The following NINJ2 variants were observed in gnomAD, a reference collection of about 807,000 sequenced individuals.
NINJ2 encodes ninjurin-2.
A neutral mutation model predicts 11.7 loss-of-function variants in NINJ2; 12 were observed. The ratio of observed to expected loss-of-function variants is 1.02; its 90% CI spans 0.66 to 1.66. The LOEUF (loss-of-function observed/expected upper bound fraction) is 1.66, where lower values mean the gene tolerates loss of function less well. Ranked by LOEUF, NINJ2 falls within the 40% of genes most tolerant of loss-of-function variation. The probability of loss-of-function intolerance (pLI) is 0.00; values close to 1 mark genes in which losing one functional copy is unlikely to be tolerated. For missense variants in NINJ2, 187 were observed against 181.8 expected, an observed-to-expected ratio of 1.03 and a Z score of -0.16; for synonymous variants, 93 against 76.8, an observed-to-expected ratio of 1.21 and a Z score of -1.10.
Position 575,311 on chromosome 12 carries a change from C to T in NINJ2, c.34-9133G>A, listed in dbSNP as rs78291331. Among the ~76,000 whole-genome samples, 750 of 152,332 alleles carry T rather than the reference C, an allele frequency of 4.9e-3. 4 individuals carry two copies. Among genetic ancestry groups the T allele is most frequent in the African/African-American group, 0.017 (716 of 41,560 alleles). ...TCTCTAGCCTGGTCCCCAGCTCCTC[C>T]TCCCACCCCTGAAGAGCGAACCCTG... On this transcript the variant is annotated intron_variant, in intron 1 of 3. Transcript: ENST00000305108.
chr12:643,305 C>T (rs1353811961), intron 1 of NINJ2: 6 of 389,520 alleles, frequency 1.5e-5, no homozygotes, highest in Non-Finnish European at 2.1e-5. Flanking sequence ...GACTCTGCAC[C>T]GTCGCGGCCT....
intron 1 of NINJ2, among the ~76,000 whole-genome samples, chr12:579,935 TAAA>T (rs1223133155): frequency 6.6e-6 from 1 of 152,158 alleles, no homozygotes; most frequent in Non-Finnish European, 1.5e-5. Context: ...CCTAATCCCC[TAAA>T]ATGACAAAGC....
At chr12:609,770 C>CGAAAAAAAAAAAAAA (rs1948002191) in intron 1 of NINJ2, among the ~76,000 whole-genome samples, 1 of 88,822 alleles carries the variant, frequency 1.1e-5, no homozygotes, top group Non-Finnish European at 2.1e-5. Context: ...GACTCTGCCT[C>CGAAAAAAAAAAAAAA]AAAAAAAAAA....
chr12:575,391 C>G (rs1947441387), intron 1 of NINJ2, among the ~76,000 whole-genome samples: 1 of 152,220 alleles, frequency 6.6e-6, no homozygotes, highest in Admixed American at 6.5e-5. Context: ...CCAGATTACT[C>G]ACTGTTCCCT....
intron 1 of NINJ2, among the ~76,000 whole-genome samples, chr12:635,374 T>C (rs1015423591): frequency 3.3e-5 from 5 of 152,070 alleles, no homozygotes; most frequent in South Asian, 2.1e-4. Context: ...TTAAATGCAA[T>C]AGAGCAGACA....
At chr12:618,818 G>A (rs1351403198) in intron 1 of NINJ2, among the ~76,000 whole-genome samples, 1 of 152,210 alleles carries the variant, frequency 6.6e-6, no homozygotes, top group Non-Finnish European at 1.5e-5. Flanking sequence ...TGGCAAGAGT[G>A]GAGAAGAGCA....
intron 1 of NINJ2, among the ~76,000 whole-genome samples, chr12:609,754 G>C (rs1426396650): frequency 7.9e-6 from 1 of 126,496 alleles, no homozygotes; most frequent in Non-Finnish European, 1.7e-5. Flanking sequence ...CTGGGCAACA[G>C]AGTGAGACTC....
At chr12:595,992 A>T (rs1215777505) in intron 1 of NINJ2, among the ~76,000 whole-genome samples, 1 of 152,210 alleles carries the variant, frequency 6.6e-6, no homozygotes, top group Non-Finnish European at 1.5e-5. Flanking sequence ...GAATGGCCAA[A>T]ATCCAGAACA....
At chr12:576,298 C>A (rs1356275713) in intron 1 of NINJ2, among the ~76,000 whole-genome samples, 1 of 152,128 alleles carries the variant, frequency 6.6e-6, no homozygotes, top group Non-Finnish European at 1.5e-5. Context: ...CAGGAAACGG[C>A]GCGGCGAGGC....
intron 1 of NINJ2, among the ~76,000 whole-genome samples, chr12:589,940 C>T (rs1009528082): frequency 1.7e-4 from 26 of 152,190 alleles, no homozygotes; most frequent in African/African-American, 4.6e-4. Context: ...CTGTCAGGAC[C>T]CAAGGGGTCC....
chr12:639,667 A>G (rs928505891), intron 1 of NINJ2, among the ~76,000 whole-genome samples: 1 of 152,190 alleles, frequency 6.6e-6, no homozygotes, highest in African/African-American at 2.4e-5. Context: ...GTGGGCTGCT[A>G]CTGAGAGAAC....
chr12:653,264 C>T (rs1937822638), intron 1 of NINJ2, among the ~76,000 whole-genome samples: 1 of 151,828 alleles, frequency 6.6e-6, no homozygotes, highest in Admixed American at 6.6e-5. Flanking sequence ...CGTGATCTGC[C>T]CGCCTCTGCC....
At chr12:609,789 A>AAAAAAAAAAAGAG (rs71439346) in intron 1 of NINJ2, among the ~76,000 whole-genome samples, 3 of 116,626 alleles carry the variant, frequency 2.6e-5, no homozygotes, top group Non-Finnish European at 5.5e-5. Context: ...AAAAAAAAAT[A>AAAAAAAAAAAGAG]GGGAAAACAA....
intron 1 of NINJ2, among the ~76,000 whole-genome samples, chr12:609,702 C>T (rs1374982328): frequency 6.8e-6 from 1 of 146,880 alleles, no homozygotes; most frequent in Non-Finnish European, 1.5e-5. Context: ...ACCCGGGAGG[C>T]GGAGCTTGCA....
At chr12:655,912 TAATA>T (rs959112657) in intron 1 of NINJ2, among the ~76,000 whole-genome samples, 22 of 151,490 alleles carry the variant, frequency 1.5e-4, no homozygotes, top group African/African-American at 3.4e-4. Context: ...GACTCCATCT[TAATA>T]AATAAATAAA....
intron 1 of NINJ2, among the ~76,000 whole-genome samples, chr12:592,214 C>A (rs12229091): frequency 0.059 from 8,960 of 152,122 alleles, 268 homozygotes; most frequent in African/African-American, 0.07. Context: ...GTCCCTACCT[C>A]ACTGGGCTGC....
chr12:622,179 T>C (rs371892600), intron 1 of NINJ2, among the ~76,000 whole-genome samples: 3 of 146,044 alleles, frequency 2.1e-5, no homozygotes, highest in African/African-American at 7.6e-5. Context: ...CCCAGCACTC[T>C]GGGAGGCCGA....
chr12:597,824 C>T (rs958448053), intron 1 of NINJ2, among the ~76,000 whole-genome samples: 1 of 152,256 alleles, frequency 6.6e-6, no homozygotes, highest in East Asian at 1.9e-4. Context: ...CAACTCTGCA[C>T]TGAAGGTGTG....
chr12:645,993 A>G (rs1446505031), intron 1 of NINJ2: 2 of 152,214 alleles, frequency 1.3e-5, no homozygotes, highest in Admixed American at 1.3e-4. Flanking sequence ...GAGGAAAAAT[A>G]CTGCAGGTCA....
Sources: gnomAD v4.1 joint callset for allele counts (sites outside exome capture counted in the v4.1 genomes callset) on GRCh38, gnomAD v4.1.1 for gene constraint, MANE v1.5 for transcripts, NCBI Gene and HGNC (gene_info 2026-07-23, HGNC 2026-07-21) for gene names.